NUMB: variants seen among roughly 807,000 people sequenced by gnomAD.
NUMB encodes protein numb homolog.
Under a neutral mutation model 59.7 loss-of-function variants are expected in NUMB, and 29 were observed. The ratio of observed to expected loss-of-function variants is 0.49; its 90% confidence interval spans 0.36 to 0.66. NUMB has a LOEUF of 0.66. Ranked by LOEUF, NUMB falls within the 30% of genes least tolerant of loss-of-function variation. The probability of loss-of-function intolerance (pLI) is 0.00; values close to 1 mark genes in which losing one functional copy is unlikely to be tolerated. For synonymous variants in NUMB, 288 were observed against 288.2 expected, an observed-to-expected ratio of 1.00 and a Z score of 0.01; for missense variants, 723 against 822.0, an observed-to-expected ratio of 0.88 and a Z score of 1.47.
At chr14:73,354,892 T>C (rs1358108459) in intron 4 of NUMB, among the ~76,000 whole-genome samples, 1 of 149,142 alleles carries the variant, frequency 6.7e-6, no homozygotes, top group Non-Finnish European at 1.5e-5. Flanking sequence ...TATATCAAAC[T>C]ACAATTTTTC....
chr14:73,452,774 T>C (rs1330931989), intron 1 of NUMB, among the ~76,000 whole-genome samples: 1 of 152,178 alleles, frequency 6.6e-6, no homozygotes, highest in Non-Finnish European at 1.5e-5. Flanking sequence ...TTCTTCTAAA[T>C]CCACATGGTC....
chr14:73,454,272 A>C (rs532355958), intron 1 of NUMB, among the ~76,000 whole-genome samples: 197 of 152,278 alleles, frequency 1.3e-3, no homozygotes, highest in Middle Eastern at 3.4e-3. Flanking sequence ...TTCAAGATCT[A>C]TTCTCTAGAA....
intron 7 of NUMB, among the ~76,000 whole-genome samples, chr14:73,295,842 G>A (rs1024492699): frequency 1.3e-5 from 2 of 151,820 alleles, no homozygotes; most frequent in African/African-American, 4.8e-5. Context: ...TCTTATTTAG[G>A]CATTTAGGAT....
chr14:73,456,823 A>C (rs537275566), intron 1 of NUMB, among the ~76,000 whole-genome samples: 1 of 152,340 alleles, frequency 6.6e-6, no homozygotes, highest in South Asian at 2.1e-4. Context: ...AGATAAATAT[A>C]AATTATTGGG....
chr14:73,417,476 A>G (rs1173915653), intron 1 of NUMB, among the ~76,000 whole-genome samples: 2 of 151,920 alleles, frequency 1.3e-5, no homozygotes, highest in Non-Finnish European at 2.9e-5. Context: ...GGGGGTCAGG[A>G]AACTCTCCTG....
In NUMB at chr14:73,412,704, T is replaced by G. The variant is rs187193622; in HGVS notation, c.-232-2636A>C. ...GAGAGCCGTGATGATCATAGCTCAC[T>G]GTAGCCTGAACCTCCCAAGCTCAAG... On this transcript the variant is annotated intron_variant, in intron 1 of 12. Coordinates refer to ENST00000555238, the MANE Select transcript of NUMB (RefSeq NM_001005743.2). 5.9e-5 allele frequency among the ~76,000 whole-genome samples: 9 copies of G among 151,514 alleles called. No individual in the cohort carries two copies. In the East Asian group the frequency reaches 1.7e-3, roughly 29 times the overall value.
chr14:73,305,003 G>A (rs772030081), intron 6 of NUMB, among the ~76,000 whole-genome samples: 6 of 152,172 alleles, frequency 3.9e-5, no homozygotes, highest in Non-Finnish European at 7.3e-5. Context: ...CTGACCTCAG[G>A]TGATCCGCCC....
At chr14:73,432,639 A>C (rs1026394973) in intron 1 of NUMB, among the ~76,000 whole-genome samples, 1 of 152,126 alleles carries the variant, frequency 6.6e-6, no homozygotes, top group South Asian at 2.1e-4. Flanking sequence ...ATGTTTATTA[A>C]CATTCAATAC....
chr14:73,277,365 T>C (rs1485072360), intron 12 of NUMB, 72 bp from the exon 13 acceptor site: 1 of 1,212,044 alleles, frequency 8.3e-7, no homozygotes, highest in Non-Finnish European at 1.1e-6. Context: ...TCTTGGTTAT[T>C]TGAATGATCC....
At chr14:73,339,364 A>T (rs975469655) in intron 4 of NUMB, among the ~76,000 whole-genome samples, 4 of 152,056 alleles carry the variant, frequency 2.6e-5, no homozygotes, top group Non-Finnish European at 5.9e-5. Context: ...CTCTAAACAC[A>T]CTGGCCTCCT....
intron 4 of NUMB, among the ~76,000 whole-genome samples, chr14:73,341,260 G>A (rs1892617563): frequency 6.6e-6 from 1 of 152,044 alleles, no homozygotes; most frequent in Non-Finnish European, 1.5e-5. Flanking sequence ...TTTACGTGGT[G>A]GGGAATCAAG....
At chr14:73,388,693 T>C (rs1406936472) in intron 2 of NUMB, among the ~76,000 whole-genome samples, 1 of 152,216 alleles carries the variant, frequency 6.6e-6, no homozygotes, top group Non-Finnish European at 1.5e-5. Context: ...CTGAGTGCGG[T>C]AGCTCACGCC....
At chr14:73,382,378 C>A (rs1177300079) in intron 2 of NUMB, among the ~76,000 whole-genome samples, 3 of 151,812 alleles carry the variant, frequency 2.0e-5, no homozygotes, top group Non-Finnish European at 2.9e-5. Flanking sequence ...AACTCCTGAC[C>A]TCAGGTGATC....
chr14:73,452,899 T>C lies in NUMB; in HGVS notation c.-233+5594A>G, dbSNP rs536740738. Among the ~76,000 whole-genome samples, 40 of 152,284 alleles carry C rather than the reference T, an allele frequency of 2.6e-4. 1 individual carries two copies. In the South Asian group the frequency reaches 8.3e-3, roughly 32 times the overall value. ...AAGAGTAATAACAAGCAGCAGAAAC[T>C]GCAGAGAATGAAAAATAAGTCCATA... On this transcript the variant is annotated intron_variant, in intron 1 of 12. Transcript: ENST00000555238.
intron 11 of NUMB, 70 bp downstream of exon 11, chr14:73,282,289 C>T: frequency 1.3e-6 from 2 of 1,508,442 alleles, no homozygotes; most frequent in South Asian, 2.5e-5. Context: ...TGCCAACTTA[C>T]AGTTAGTGAG....
chr14:73,381,707 T>C (rs1245821283), intron 2 of NUMB, among the ~76,000 whole-genome samples: 1 of 152,226 alleles, frequency 6.6e-6, no homozygotes, highest in Non-Finnish European at 1.5e-5. Context: ...ATAAGCTGCA[T>C]GAAGGCAGAA....
chr14:73,427,306 A>T (rs1202127573), intron 1 of NUMB, among the ~76,000 whole-genome samples: 1 of 151,918 alleles, frequency 6.6e-6, no homozygotes, highest in Non-Finnish European at 1.5e-5. Flanking sequence ...ATTTTGTAAA[A>T]ATACAAAAAT....
chr14:73,404,102 C>A (rs1896547265), intron 2 of NUMB, among the ~76,000 whole-genome samples: 1 of 150,456 alleles, frequency 6.6e-6, no homozygotes, highest in African/African-American at 2.4e-5. Context: ...ATTAGCGAGG[C>A]ATGGTGGCGC....
chr14:73,447,199 C>A (rs1156848344), intron 1 of NUMB, among the ~76,000 whole-genome samples: 12 of 114,296 alleles, frequency 1.0e-4, no homozygotes, highest in Non-Finnish European at 1.6e-4. Context: ...AAAAAAAAAA[C>A]CAGCATAGGC....
Sources: gnomAD v4.1 joint callset for allele counts (sites outside exome capture counted in the v4.1 genomes callset) on GRCh38, gnomAD v4.1.1 for gene constraint, MANE v1.5 for transcripts, NCBI Gene and HGNC (gene_info 2026-07-23, HGNC 2026-07-21) for gene names.